Variants in PCDHA8 observed in about 807,000 individuals in gnomAD.
PCDHA8 encodes the protein protocadherin alpha-8.
A neutral mutation model predicts 61.8 loss-of-function variants in PCDHA8; 53 were observed. The observed-to-expected ratio is 0.86, with a 90% confidence interval of 0.69 to 1.08. PCDHA8 has a LOEUF of 1.08. PCDHA8 is among the 50% of genes least tolerant of loss of function. The probability of loss-of-function intolerance (pLI) is 0.00; values close to 1 mark genes in which losing one functional copy is unlikely to be tolerated. For synonymous variants in PCDHA8, 618 were observed against 556.6 expected, an observed-to-expected ratio of 1.11 and a Z score of -1.55; for missense variants, 1,293 against 1,245.0, an observed-to-expected ratio of 1.04 and a Z score of -0.58.
chr5:140,887,258 T>G (rs934733001), intron 1 of PCDHA8, among the ~76,000 whole-genome samples: 4 of 151,924 alleles, frequency 2.6e-5, no homozygotes, highest in East Asian at 1.9e-4. Context: ...CACCACGCCC[T>G]GCTAATTTTT....
intron 1 of PCDHA8, chr5:140,882,543 G>A: frequency 6.2e-7 from 1 of 1,614,236 alleles, no homozygotes; most frequent in Non-Finnish European, 8.5e-7. Context: ...CGGATCGACC[G>A]CGAGGAGCTG....
intron 3 of PCDHA8, among the ~76,000 whole-genome samples, chr5:140,989,886 C>T (rs954644773): frequency 1.3e-5 from 2 of 151,784 alleles, no homozygotes. Flanking sequence ...CACTTGGAGT[C>T]TCCGTTATTC....
At chr5:140,872,364 G>A (rs538641401) in intron 1 of PCDHA8, among the ~76,000 whole-genome samples, 1 of 152,132 alleles carries the variant, frequency 6.6e-6, no homozygotes, top group South Asian at 2.1e-4. Context: ...AAGTGGTTCA[G>A]GCCTGTAATC....
intron 3 of PCDHA8, among the ~76,000 whole-genome samples, chr5:141,008,307 G>A (rs1212029861): frequency 2.0e-5 from 3 of 152,176 alleles, no homozygotes; most frequent in Admixed American, 1.3e-4. Context: ...ACCCTAAACT[G>A]TAATTGAACA....
chr5:141,002,039 C>G (rs1198304632), intron 3 of PCDHA8, among the ~76,000 whole-genome samples: 1 of 152,216 alleles, frequency 6.6e-6, no homozygotes, highest in Non-Finnish European at 1.5e-5. Flanking sequence ...TGACTCTTTC[C>G]TGGGCATCCA....
At chr5:140,876,607 T>G (rs1480667665) in intron 1 of PCDHA8, 7 of 1,614,068 alleles carry the variant, frequency 4.3e-6, no homozygotes, top group Non-Finnish European at 5.9e-6. Flanking sequence ...GGATCGTGAC[T>G]CTGGAGCCAA....
chr5:140,862,825 C>G (rs782012901), intron 1 of PCDHA8: 2 of 572,056 alleles, frequency 3.5e-6, no homozygotes, highest in South Asian at 2.7e-5. Flanking sequence ...GGTGAGAGCG[C>G]GCGACGCGGG....
chr5:140,851,063 G>T, intron 1 of PCDHA8: 3 of 1,372,672 alleles, frequency 2.2e-6, no homozygotes, highest in Non-Finnish European at 2.9e-6. Flanking sequence ...TTGACTTCTA[G>T]TGAGAATTAT....
At chr5:140,871,014 C>G (rs1554164974) in intron 1 of PCDHA8, 1 of 1,613,178 alleles carries the variant, frequency 6.2e-7, no homozygotes, top group East Asian at 2.2e-5. Context: ...GTGCCCTGGA[C>G]GAGGCAGACT....
intron 1 of PCDHA8, chr5:140,883,386 G>C (rs1554177993): frequency 6.2e-7 from 1 of 1,614,138 alleles, no homozygotes; most frequent in South Asian, 1.1e-5. Context: ...GCCCTAATCA[G>C]TGTGTCCGAT....
chr5:140,843,632 G>T lies in PCDHA8; in HGVS notation c.2311G>T (p.Ala771Ser), dbSNP rs2150363931. ...GGGGCCACCGAAGACGGACCTCATGGCCTTCAGCCCCTGCCTTCCTCCTGA... is the reference window on the plus strand; with the variant it reads ...GGGGCCACCGAAGACGGACCTCATGTCCTTCAGCCCCTGCCTTCCTCCTGA... The part of the protein sequence containing the change: ...GEGPPKTDLM[A>S]FSPCLPPDLG... Residue 771 changes from alanine (A) to serine (S), a missense_variant, in exon 1 of 4, where the codon GCC becomes TCC. Transcript: ENST00000531613. 1 of 1,595,968 alleles carries T rather than the reference G, an allele frequency of 6.3e-7. No individual in the cohort carries two copies. The highest frequency in any genetic ancestry group is 1.1e-5 in the South Asian group (1 of 90,500).
intron 1 of PCDHA8, chr5:140,859,371 T>A: frequency 3.8e-6 from 1 of 264,536 alleles, no homozygotes; most frequent in Non-Finnish European, 6.9e-6. Flanking sequence ...TTGTATAGTT[T>A]AATAGCTTCT....
At chr5:140,846,342 C>CTTTCTCT (rs1780336698) in intron 1 of PCDHA8, among the ~76,000 whole-genome samples, 1 of 138,926 alleles carries the variant, frequency 7.2e-6, no homozygotes, top group Non-Finnish European at 1.6e-5. Flanking sequence ...TTTTAAAGTG[C>CTTTCTCT]TTTCTCTTTT....
At chr5:140,942,545 G>C (rs981508818) in intron 1 of PCDHA8, among the ~76,000 whole-genome samples, 4 of 151,970 alleles carry the variant, frequency 2.6e-5, no homozygotes, top group African/African-American at 9.7e-5. Context: ...ATGGTGGGGG[G>C]TAGGGGGTTG....
intron 1 of PCDHA8, among the ~76,000 whole-genome samples, chr5:140,931,650 T>C (rs2087656696): frequency 6.6e-6 from 1 of 152,016 alleles, no homozygotes; most frequent in South Asian, 2.1e-4. Flanking sequence ...CTAATAATTG[T>C]TGTGGGCTGG....
intron 1 of PCDHA8, among the ~76,000 whole-genome samples, chr5:140,898,648 G>T (rs1436511217): frequency 8.5e-5 from 13 of 152,136 alleles, no homozygotes; most frequent in African/African-American, 3.1e-4. Context: ...TGTTCTTTTG[G>T]CTTAGGATTG....
chr5:140,858,243 C>G (rs781796341), intron 1 of PCDHA8: 1 of 1,595,896 alleles, frequency 6.3e-7, no homozygotes, highest in Non-Finnish European at 8.6e-7. Flanking sequence ...GCATGTGGGC[C>G]GGTGAAGCCC....
At position 140,917,056 on chromosome 5, in the gene PCDHA8, T is replaced by C. The variant is rs539112715; in HGVS notation, c.2395-61893T>C. Among the ~76,000 whole-genome samples the C allele has an allele frequency of 5.9e-5, 9 of 152,280 alleles. No individual in the cohort carries two copies. The East Asian group carries it at 1.7e-3, about 29-fold the overall frequency. On this transcript the variant is annotated intron_variant, in intron 1 of 3. Transcript: ENST00000531613. ...AGTCCAGCACAGTGTTGTTCCCTGCTACGACAGCACCGAGTTTAATGTAAA... is the reference window on the plus strand; with the variant it reads ...AGTCCAGCACAGTGTTGTTCCCTGCCACGACAGCACCGAGTTTAATGTAAA...
intron 1 of PCDHA8, chr5:140,870,796 C>A (rs1581985922): frequency 6.2e-7 from 1 of 1,613,576 alleles, no homozygotes; most frequent in South Asian, 1.1e-5. Context: ...GCCGGCACTG[C>A]TGGCGACTCA....
Sources: gnomAD v4.1 joint callset for allele counts (sites outside exome capture counted in the v4.1 genomes callset) on GRCh38, gnomAD v4.1.1 for gene constraint, MANE v1.5 for transcripts, NCBI Gene and HGNC (gene_info 2026-07-23, HGNC 2026-07-21) for gene names.